Variants in GPM6A observed in about 807,000 individuals in gnomAD.
GPM6A encodes neuronal membrane glycoprotein M6-a.
A neutral mutation model predicts 32.1 loss-of-function variants in GPM6A; 7 were observed. The observed-to-expected ratio is 0.22, with a 90% CI of 0.12 to 0.41. GPM6A has a LOEUF of 0.41. Ranked by LOEUF, GPM6A falls within the 10% of genes least tolerant of loss-of-function variation. The pLI is 1.00. For missense variants in GPM6A, 235 were observed against 347.2 expected, an observed-to-expected ratio of 0.68 and a Z score of 2.57; for synonymous variants, 130 against 123.4, an observed-to-expected ratio of 1.05 and a Z score of -0.35.
At position 175,754,186 on chromosome 4, in the gene GPM6A, G is replaced by A. The variant is rs542624400; in HGVS notation, c.38-52419C>T. 6.6e-5 allele frequency among the ~76,000 whole-genome samples: 10 copies of A among 152,226 alleles called. No individual in the cohort carries two copies. In the South Asian group the frequency reaches 2.1e-3, roughly 32 times the overall value. On this transcript the variant is annotated intron_variant, in intron 1 of 6. Transcript: ENST00000393658. The stretch of plus-strand genomic sequence containing the variant: ...CCACTAAAACACTGAGTGAACTGTG[G>A]TTGAAAATAATGACTATTGGCTAGA...
intron 2 of GPM6A, among the ~76,000 whole-genome samples, chr4:175,694,226 G>T (rs537247650): frequency 5.3e-5 from 8 of 152,284 alleles, no homozygotes; most frequent in African/African-American, 1.4e-4. Flanking sequence ...AAAGAGTGGG[G>T]CATTGCTATA....
rs548314940 is a variant in GPM6A, at chr4:175,903,388, G to A, written c.-22-91139C>T. 2.6e-5 allele frequency among the ~76,000 whole-genome samples: 4 copies of A among 152,014 alleles called. No homozygotes were observed. In the South Asian group the frequency reaches 6.2e-4, roughly 24 times the overall value. On this transcript the variant is annotated intron_variant, in intron 1 of 7. Transcript: ENST00000280187. Reference sequence around the variant, plus strand: ...AAATATAGAGGGAATGATGAAGTAAGAAAATATCATTGAATTACTTGAAGC... The same window carrying A: ...AAATATAGAGGGAATGATGAAGTAAAAAAATATCATTGAATTACTTGAAGC...
chr4:175,833,982 T>C lies in GPM6A; in HGVS notation c.-22-21733A>G, dbSNP rs17609184. Among the ~76,000 whole-genome samples, 734 of 152,248 alleles carry C rather than the reference T, an allele frequency of 4.8e-3. 3 individuals carry two copies. Among genetic ancestry groups the C allele is most frequent in the South Asian group, 0.018 (88 of 4,826 alleles). On this transcript the variant is annotated intron_variant, in intron 1 of 7. Transcript: ENST00000280187. The stretch of plus-strand genomic sequence containing the variant: ...CAGAGAAGTGCTGTAACGCCGTCTC[T>C]GAGCTAGTGCGTTTCAGAAAAAGTT...
intron 4 of GPM6A, among the ~76,000 whole-genome samples, chr4:175,648,909 C>T (rs1403028513): frequency 6.6e-6 from 1 of 152,164 alleles, no homozygotes; most frequent in South Asian, 2.1e-4. Flanking sequence ...CCCTAATTCC[C>T]CATTGAAAGT....
chr4:175,786,991 G>A (rs1211796031), intron 1 of GPM6A: 11 of 222,390 alleles, frequency 4.9e-5, no homozygotes, highest in Non-Finnish European at 9.6e-5. Flanking sequence ...CTTGCTGGAC[G>A]GCATTCCCTC....
rs1402795444 is a variant in GPM6A, at chr4:175,986,417, T to G, written c.-23+15892A>C. Reference sequence around the variant, plus strand: ...TTGGGTGCAGTGGCTGTGGGTATAGTCCCAGCTACTCAGGAGGCTGAGGCG... The same window carrying G: ...TTGGGTGCAGTGGCTGTGGGTATAGGCCCAGCTACTCAGGAGGCTGAGGCG... On this transcript the variant is annotated intron_variant, in intron 1 of 7. Transcript: ENST00000280187. 2.6e-5 allele frequency among the ~76,000 whole-genome samples: 4 copies of G among 152,114 alleles called. No homozygotes were observed. The East Asian group carries it at 7.8e-4, about 30-fold the overall frequency.
intron 1 of GPM6A, among the ~76,000 whole-genome samples, chr4:175,884,289 T>A (rs183532798): frequency 2.3e-4 from 35 of 152,344 alleles, no homozygotes; most frequent in African/African-American, 8.2e-4. Context: ...CTTCTTTTTC[T>A]TTCAACATTT....
intron 1 of GPM6A, among the ~76,000 whole-genome samples, chr4:175,984,825 C>A (rs1191828273): frequency 6.6e-6 from 1 of 151,960 alleles, no homozygotes; most frequent in Non-Finnish European, 1.5e-5. Flanking sequence ...ATAATTTATT[C>A]ATTGTCTGCA....
intron 2 of GPM6A, among the ~76,000 whole-genome samples, chr4:175,674,689 C>T (rs1395897192): frequency 6.6e-6 from 1 of 152,078 alleles, no homozygotes; most frequent in Non-Finnish European, 1.5e-5. Flanking sequence ...CTATTTTGTA[C>T]TCATCATACA....
In GPM6A at chr4:175,742,979, C is replaced by G. The variant is rs575073670; in HGVS notation, c.38-41212G>C. The stretch of plus-strand genomic sequence containing the variant: ...CTGGGCAACATTGTAAGACCCCATT[C>G]GCCACAAAAAGAAAAAATAAATTAA... On this transcript the variant is annotated intron_variant, in intron 1 of 6. Transcript: ENST00000393658. 7.3e-5 allele frequency among the ~76,000 whole-genome samples: 11 copies of G among 151,594 alleles called. No individual in the cohort carries two copies. The South Asian group carries it at 1.5e-3, about 20-fold the overall frequency.
At chr4:175,817,724 A>AG (rs926502072) in intron 1 of GPM6A, among the ~76,000 whole-genome samples, 3 of 152,210 alleles carry the variant, frequency 2.0e-5, no homozygotes, top group African/African-American at 7.2e-5. Flanking sequence ...AGGCCTATGG[A>AG]GGGGGAGACA....
intron 1 of GPM6A, among the ~76,000 whole-genome samples, chr4:175,919,952 T>A (rs1161020771): frequency 6.6e-6 from 1 of 152,180 alleles, no homozygotes; most frequent in Non-Finnish European, 1.5e-5. Flanking sequence ...CTGTCTAGAC[T>A]TCCATCAAGG....
At chr4:175,824,144 T>C (rs1735360774) in intron 1 of GPM6A, among the ~76,000 whole-genome samples, 1 of 152,220 alleles carries the variant, frequency 6.6e-6, no homozygotes, top group African/African-American at 2.4e-5. Context: ...GGATGTTTTA[T>C]TGGCCCTGAC....
At chr4:175,775,144 G>A (rs947482445) in intron 1 of GPM6A, among the ~76,000 whole-genome samples, 1 of 152,068 alleles carries the variant, frequency 6.6e-6, no homozygotes, top group African/African-American at 2.4e-5. Flanking sequence ...ATTTAGAATT[G>A]CTCTAGAACA....
intron 1 of GPM6A, among the ~76,000 whole-genome samples, chr4:175,773,593 A>G (rs1434862555): frequency 1.3e-5 from 2 of 152,212 alleles, no homozygotes; most frequent in Non-Finnish European, 2.9e-5. Context: ...ACATGTATAT[A>G]TTAGCACACT....
intron 1 of GPM6A, among the ~76,000 whole-genome samples, chr4:175,767,174 C>A (rs1359577437): frequency 6.6e-6 from 1 of 152,118 alleles, no homozygotes; most frequent in Non-Finnish European, 1.5e-5. Context: ...ATTCAGTGGG[C>A]ACATCAGTTC....
At chr4:175,829,240 T>C (rs180833482) in intron 1 of GPM6A, among the ~76,000 whole-genome samples, 61 of 152,358 alleles carry the variant, frequency 4.0e-4, no homozygotes, top group Admixed American at 3.7e-3. Context: ...CCAAGAATGT[T>C]AAACTTTTTG....
At chr4:175,795,029 A>G (rs1734162902) in intron 1 of GPM6A, among the ~76,000 whole-genome samples, 2 of 152,230 alleles carry the variant, frequency 1.3e-5, no homozygotes, top group African/African-American at 4.8e-5. Context: ...TTAAGGAAAT[A>G]GTCGATTACA....
chr4:175,752,932 C>T (rs1732393281), intron 1 of GPM6A, among the ~76,000 whole-genome samples: 1 of 152,130 alleles, frequency 6.6e-6, no homozygotes, highest in African/African-American at 2.4e-5. Context: ...TGCTTGACAA[C>T]GTGTGAACAA....
Sources: gnomAD v4.1 joint callset for allele counts (sites outside exome capture counted in the v4.1 genomes callset) on GRCh38, gnomAD v4.1.1 for gene constraint, MANE v1.5 for transcripts, NCBI Gene and HGNC (gene_info 2026-07-23, HGNC 2026-07-21) for gene names.